The following MAGI1 variants were observed in gnomAD, a reference collection of about 807,000 sequenced individuals.
MAGI1 encodes membrane associated guanylate kinase, WW and PDZ domain containing 1, also known as membrane-associated guanylate kinase, WW and PDZ domain-containing protein 1.
A neutral mutation model predicts 139.9 loss-of-function variants in MAGI1; 58 were observed. That is an observed-to-expected ratio of 0.41 (90% CI 0.34 to 0.52). MAGI1 has a LOEUF of 0.52. MAGI1 is among the 20% of genes least tolerant of loss of function. MAGI1 has a pLI of 0.12. For synonymous variants in MAGI1, 812 were observed against 737.9 expected, an observed-to-expected ratio of 1.10 and a Z score of -1.63; for missense variants, 1,874 against 1,901.6, an observed-to-expected ratio of 0.99 and a Z score of 0.27.
chr3:65,532,756 G>A (rs2078772139), intron 2 of MAGI1: 1 of 152,152 alleles, frequency 6.6e-6, no homozygotes. Flanking sequence ...ACTTACCTTG[G>A]AGAAGAAGAA....
intron 1 of MAGI1, among the ~76,000 whole-genome samples, chr3:65,625,837 G>A (rs140268479): frequency 1.3e-5 from 2 of 152,304 alleles, no homozygotes; most frequent in African/African-American, 2.4e-5. Context: ...GTTTCTAGAA[G>A]TGAATAAAAA....
chr3:66,026,586 A>G (rs552272550), intron 1 of MAGI1, among the ~76,000 whole-genome samples: 6 of 151,406 alleles, frequency 4.0e-5, no homozygotes, highest in Non-Finnish European at 8.8e-5. Flanking sequence ...GAAACACATA[A>G]TCTAGTATGG....
chr3:65,705,461 G>A (rs953111052), intron 1 of MAGI1, among the ~76,000 whole-genome samples: 2 of 152,180 alleles, frequency 1.3e-5, no homozygotes, highest in Non-Finnish European at 2.9e-5. Flanking sequence ...ACTTTAAAAT[G>A]GTTAAGTTTG....
At chr3:65,413,158 T>C (rs1252873888) in intron 12 of MAGI1, among the ~76,000 whole-genome samples, 1 of 152,164 alleles carries the variant, frequency 6.6e-6, no homozygotes, top group African/African-American at 2.4e-5. Flanking sequence ...CTGATTGATG[T>C]GATGGTCACT....
At position 65,356,925 on chromosome 3, in the gene MAGI1, G is replaced by A. The variant is rs1364660793; in HGVS notation, c.3842C>T (p.Thr1281Ile). ...EYSRQPNEHH[T>I]WNGTSRKPDS... ...GGGTTTCCTCGAAGTCCCATTCCAG[G>A]TGTGGTGTTCATTGGGTTGTCTGCT... The change falls in exon 23 of 23, where the codon ACC becomes ATC. Residue 1281 changes from threonine to isoleucine, a missense_variant. By Grantham distance (89) the Thr-to-Ile change is moderately conservative. Transcript: ENST00000402939. 6.2e-7 allele frequency: 1 copy of A among 1,614,166 alleles called. No homozygotes were observed. Among genetic ancestry groups the A allele is most frequent in the Non-Finnish European group, 8.5e-7 (1 of 1,180,016 alleles).
At chr3:65,381,744 TG>T in intron 16 of MAGI1, 132 bp downstream of exon 16, 1 of 821,300 alleles carries the variant, frequency 1.2e-6, no homozygotes, top group Non-Finnish European at 1.9e-6. Context: ...GCAAGCCATC[TG>T]GAAATTCTGA....
intron 1 of MAGI1, among the ~76,000 whole-genome samples, chr3:65,917,258 A>G (rs2108709674): frequency 6.6e-6 from 1 of 152,298 alleles, no homozygotes; most frequent in Non-Finnish European, 1.5e-5. Flanking sequence ...ATACCACTAC[A>G]CACCTATTAG....
At chr3:65,827,605 C>G (rs182959076) in intron 1 of MAGI1, among the ~76,000 whole-genome samples, 4 of 152,252 alleles carry the variant, frequency 2.6e-5, no homozygotes, top group Admixed American at 2.6e-4. Flanking sequence ...CTTTGAAACG[C>G]CTTGGACCTA....
At chr3:65,369,697 C>T (rs1320719605) in intron 18 of MAGI1, among the ~76,000 whole-genome samples, 1 of 152,000 alleles carries the variant, frequency 6.6e-6, no homozygotes, top group Non-Finnish European at 1.5e-5. Flanking sequence ...TTAGTAGAGA[C>T]AGCGTTTCGC....
intron 2 of MAGI1, among the ~76,000 whole-genome samples, chr3:65,502,427 TATAAC>T (rs2077118938): frequency 6.6e-6 from 1 of 152,160 alleles, no homozygotes; most frequent in Non-Finnish European, 1.5e-5. Flanking sequence ...TTTGGACTGT[TATAAC>T]AGAATACCAT....
chr3:65,888,749 A>G (rs990398500), intron 1 of MAGI1, among the ~76,000 whole-genome samples: 3 of 152,186 alleles, frequency 2.0e-5, no homozygotes, highest in Non-Finnish European at 2.9e-5. Context: ...AAAAGAAAAA[A>G]GCCAGAAGAC....
chr3:65,378,445 G>T (rs1304672604), intron 17 of MAGI1, among the ~76,000 whole-genome samples: 1 of 152,044 alleles, frequency 6.6e-6, no homozygotes, highest in East Asian at 1.9e-4. Context: ...CACAGATGAG[G>T]CAGACTAGCA....
chr3:65,896,738 T>G (rs1172533945), intron 1 of MAGI1, among the ~76,000 whole-genome samples: 3 of 152,140 alleles, frequency 2.0e-5, no homozygotes, highest in Non-Finnish European at 4.4e-5. Flanking sequence ...ACAGTATACA[T>G]CCATACAATG....
intron 1 of MAGI1, among the ~76,000 whole-genome samples, chr3:65,738,948 C>T (rs1217527693): frequency 6.6e-6 from 1 of 152,180 alleles, no homozygotes; most frequent in African/African-American, 2.4e-5. Context: ...GCATTGGCTT[C>T]AACTTCAAGT....
At chr3:65,874,825 C>G (rs1196168593) in intron 1 of MAGI1, 1 of 152,582 alleles carries the variant, frequency 6.6e-6, no homozygotes, top group East Asian at 1.9e-4. Context: ...AGCAGTATTA[C>G]TCACCATAGC....
chr3:65,870,959 GAC>G (rs1303775294), intron 1 of MAGI1, among the ~76,000 whole-genome samples: 1 of 151,630 alleles, frequency 6.6e-6, no homozygotes, highest in East Asian at 1.9e-4. Context: ...TTTTTTTTGA[GAC>G]ACAGTCTCAC....
At chr3:65,536,622 G>A (rs958858738) in intron 2 of MAGI1, among the ~76,000 whole-genome samples, 4 of 152,146 alleles carry the variant, frequency 2.6e-5, no homozygotes, top group African/African-American at 9.7e-5. Context: ...CTCCTGAGGT[G>A]CATGTGACCC....
At chr3:65,731,549 G>A (rs1234359653) in intron 1 of MAGI1, among the ~76,000 whole-genome samples, 1 of 151,660 alleles carries the variant, frequency 6.6e-6, no homozygotes, top group Non-Finnish European at 1.5e-5. Context: ...CAGCTACTGG[G>A]GCGGCTGAGG....
intron 4 of MAGI1, among the ~76,000 whole-genome samples, chr3:65,471,075 T>A (rs1464645727): frequency 2.6e-5 from 4 of 152,040 alleles, no homozygotes; most frequent in Admixed American, 6.5e-5. Flanking sequence ...TACCAGTGAG[T>A]CAGATTGGAA....
Sources: allele counts gnomAD v4.1 joint callset (sites outside exome capture counted in the v4.1 genomes callset), GRCh38; gene constraint gnomAD v4.1.1; transcripts MANE v1.5; gene names NCBI Gene and HGNC (gene_info 2026-07-23, HGNC 2026-07-21).